The following OPCML variants were observed in gnomAD, a reference collection of about 807,000 sequenced individuals.
OPCML encodes opioid binding protein/cell adhesion molecule like.
A neutral mutation model predicts 37.8 loss-of-function variants in OPCML; 13 were observed. The observed-to-expected ratio is 0.34, with a 90% CI of 0.22 to 0.55. OPCML has a LOEUF of 0.55. Among genes scored for constraint, OPCML ranks in the 20% least tolerant of loss-of-function variants. The pLI, the probability that OPCML is intolerant of heterozygous loss-of-function variation, is 0.91. For synonymous variants in OPCML, 176 were observed against 168.8 expected, an observed-to-expected ratio of 1.04 and a Z score of -0.33; for missense variants, 341 against 435.6, an observed-to-expected ratio of 0.78 and a Z score of 1.93.
At chr11:132,542,935 C>T (rs1268132367) in intron 3 of OPCML, among the ~76,000 whole-genome samples, 1 of 152,146 alleles carries the variant, frequency 6.6e-6, no homozygotes, top group Non-Finnish European at 1.5e-5. Flanking sequence ...GTGTTCAAGT[C>T]TGCGACAGAA....
chr11:133,195,265 C>T (rs1449780822), intron 1 of OPCML, among the ~76,000 whole-genome samples: 2 of 152,226 alleles, frequency 1.3e-5, no homozygotes, highest in South Asian at 2.1e-4. Context: ...CTAGCATTGA[C>T]CACCATTATT....
chr11:132,682,363 A>G (rs1378159232), intron 2 of OPCML, among the ~76,000 whole-genome samples: 1 of 152,238 alleles, frequency 6.6e-6, no homozygotes, highest in African/African-American at 2.4e-5. Context: ...GGAGGCATGA[A>G]GAAAATTCTC....
intron 3 of OPCML, among the ~76,000 whole-genome samples, chr11:132,610,207 C>T (rs1484436139): frequency 6.6e-6 from 1 of 152,192 alleles, no homozygotes; most frequent in Non-Finnish European, 1.5e-5. Flanking sequence ...CCTGCATCTC[C>T]AGCCCCTCCT....
intron 4 of OPCML, among the ~76,000 whole-genome samples, chr11:132,494,484 T>C (rs2096225168): frequency 1.3e-5 from 2 of 152,156 alleles, no homozygotes; most frequent in African/African-American, 2.4e-5. Context: ...TCCCTCCCTA[T>C]CTCATGTTCT....
At chr11:132,737,134 G>T (rs1396920824) in intron 2 of OPCML, among the ~76,000 whole-genome samples, 11 of 152,154 alleles carry the variant, frequency 7.2e-5, no homozygotes, top group Non-Finnish European at 5.9e-5. Context: ...AGAACAGACT[G>T]CCTAGTCTCC....
chr11:133,082,784 G>A (rs1187270810), intron 1 of OPCML, among the ~76,000 whole-genome samples: 4 of 147,156 alleles, frequency 2.7e-5, no homozygotes, highest in Non-Finnish European at 4.5e-5. Flanking sequence ...TCCCCGCCCC[G>A]GCGCCTGGGC....
At chr11:132,908,290 A>T (rs1317562) in intron 2 of OPCML, among the ~76,000 whole-genome samples, 80,536 of 135,804 alleles carry the variant, frequency 0.59, 21,879 homozygotes, top group Middle Eastern at 0.64. Flanking sequence ...TCTCTCTCTC[A>T]CACACACACA....
intron 1 of OPCML, chr11:133,422,174 G>T: frequency 1.0e-6 from 1 of 982,102 alleles, no homozygotes; most frequent in South Asian, 4.7e-5. Flanking sequence ...TGTTGTTGTT[G>T]TTCACTCCCT....
chr11:133,225,791 A>T (rs978024476), intron 1 of OPCML, among the ~76,000 whole-genome samples: 2 of 152,140 alleles, frequency 1.3e-5, no homozygotes, highest in African/African-American at 4.8e-5. Context: ...TGGATTTAGA[A>T]CTCTTATGAA....
intron 3 of OPCML, among the ~76,000 whole-genome samples, chr11:132,591,173 A>G (rs2096483835): frequency 6.6e-6 from 1 of 152,170 alleles, no homozygotes; most frequent in Non-Finnish European, 1.5e-5. Context: ...GTGATGCCAC[A>G]ATCATCGCCC....
At chr11:133,112,097 A>G (rs2137094668) in intron 1 of OPCML, among the ~76,000 whole-genome samples, 1 of 152,202 alleles carries the variant, frequency 6.6e-6, no homozygotes, top group Admixed American at 6.5e-5. Context: ...TAATGCATTT[A>G]TGTACTTTTA....
intron 2 of OPCML, among the ~76,000 whole-genome samples, chr11:132,696,608 G>A (rs906501009): frequency 1.3e-5 from 2 of 152,038 alleles, no homozygotes; most frequent in South Asian, 4.2e-4. Flanking sequence ...AAATTAATAG[G>A]CTACCCAGTA....
At chr11:133,346,968 T>G (rs1335229335) in intron 1 of OPCML, among the ~76,000 whole-genome samples, 3 of 152,198 alleles carry the variant, frequency 2.0e-5, no homozygotes, top group Non-Finnish European at 4.4e-5. Context: ...CCCAATAGCC[T>G]TCAAAAAGGA....
chr11:132,432,940 A>G (rs550302528), intron 7 of OPCML, among the ~76,000 whole-genome samples: 1 of 152,350 alleles, frequency 6.6e-6, no homozygotes, highest in African/African-American at 2.4e-5. Context: ...TGAATGCTAG[A>G]CAATGCTCTG....
chr11:133,251,119 G>A (rs1941118555), intron 1 of OPCML, among the ~76,000 whole-genome samples: 1 of 152,080 alleles, frequency 6.6e-6, no homozygotes, highest in Non-Finnish European at 1.5e-5. Context: ...ACATTCATAT[G>A]CTTATGGCTA....
At chr11:132,448,711 G>T (rs906848642) in intron 4 of OPCML, among the ~76,000 whole-genome samples, 3 of 152,202 alleles carry the variant, frequency 2.0e-5, no homozygotes, top group Admixed American at 2.0e-4. Context: ...AGTCACCCAA[G>T]AAGTCACTTT....
intron 1 of OPCML, among the ~76,000 whole-genome samples, chr11:133,303,747 T>C (rs1319354758): frequency 6.6e-6 from 1 of 151,920 alleles, no homozygotes; most frequent in African/African-American, 2.4e-5. Flanking sequence ...CAGCTTGAAA[T>C]GTGGGGATGA....
At chr11:133,388,965 G>A (rs1945112986) in intron 1 of OPCML, among the ~76,000 whole-genome samples, 2 of 152,146 alleles carry the variant, frequency 1.3e-5, no homozygotes, top group South Asian at 4.1e-4. Flanking sequence ...CCATCCCCAT[G>A]TTGCAGATGA....
chr11:133,465,623 T>G (rs1417644969), intron 1 of OPCML, among the ~76,000 whole-genome samples: 1 of 152,190 alleles, frequency 6.6e-6, no homozygotes, highest in Non-Finnish European at 1.5e-5. Context: ...ATCATAGGTT[T>G]CGTGGTGGAA....
Sources: gnomAD v4.1 joint callset for allele counts (sites outside exome capture counted in the v4.1 genomes callset) on GRCh38, gnomAD v4.1.1 for gene constraint, MANE v1.5 for transcripts, NCBI Gene and HGNC (gene_info 2026-07-23, HGNC 2026-07-21) for gene names.